Variants in DSCAM observed in about 807,000 individuals in gnomAD.
DSCAM encodes the protein cell adhesion molecule DSCAM.
A neutral mutation model predicts 217.7 loss-of-function variants in DSCAM; 47 were observed. That is an observed-to-expected ratio of 0.22 (90% CI 0.17 to 0.28). The LOEUF (loss-of-function observed/expected upper bound fraction) is 0.28, where lower values mean the gene tolerates loss of function less well. Among genes scored for constraint, DSCAM ranks in the 10% least tolerant of loss-of-function variants. DSCAM has a pLI of 1.00. For synonymous variants in DSCAM, 1,056 were observed against 1,015.3 expected (o/e 1.04, Z -0.76); for missense variants, 2,080 against 2,618.3 (o/e 0.79, Z 4.49).
chr21:40,814,990 C>T (rs1482722119), intron 1 of DSCAM, among the ~76,000 whole-genome samples: 1 of 151,934 alleles, frequency 6.6e-6, no homozygotes, highest in Non-Finnish European at 1.5e-5. Context: ...GAAGAAAAGC[C>T]CTTGAGAAGG....
chr21:40,533,466 C>T (rs554198535), intron 3 of DSCAM, among the ~76,000 whole-genome samples: 15 of 151,666 alleles, frequency 9.9e-5, no homozygotes, highest in Admixed American at 1.3e-4. Context: ...ACCCATCGTC[C>T]ATCCATCCGT....
intron 8 of DSCAM, among the ~76,000 whole-genome samples, chr21:40,328,354 G>T (rs2123550078): frequency 6.6e-6 from 1 of 152,150 alleles, no homozygotes; most frequent in Non-Finnish European, 1.5e-5. Flanking sequence ...TAACAAAGGA[G>T]CCAAGAGCAC....
chr21:40,400,589 A>G (rs1170841895), intron 3 of DSCAM, among the ~76,000 whole-genome samples: 2 of 152,132 alleles, frequency 1.3e-5, no homozygotes, highest in South Asian at 2.1e-4. Flanking sequence ...TAATTTAAAA[A>G]CTTTTGTTGT....
intron 28 of DSCAM, among the ~76,000 whole-genome samples, chr21:40,059,095 A>G (rs1278321290): frequency 6.6e-6 from 1 of 152,198 alleles, no homozygotes; most frequent in Non-Finnish European, 1.5e-5. Context: ...CCTCCCAAAT[A>G]TGACACAGAA....
chr21:40,022,484 T>G (rs1030643003), intron 32 of DSCAM, among the ~76,000 whole-genome samples: 3 of 152,258 alleles, frequency 2.0e-5, no homozygotes, highest in African/African-American at 4.8e-5. Flanking sequence ...GATAAGCAGT[T>G]GTACCCCTCA....
At chr21:40,608,001 G>C (rs1157835989) in intron 3 of DSCAM, among the ~76,000 whole-genome samples, 1 of 152,082 alleles carries the variant, frequency 6.6e-6, no homozygotes, top group Non-Finnish European at 1.5e-5. Flanking sequence ...AGGAAGGGGG[G>C]AGTTTCAGGA....
At chr21:40,727,862 C>T (rs1174345015) in intron 1 of DSCAM, among the ~76,000 whole-genome samples, 4 of 152,148 alleles carry the variant, frequency 2.6e-5, no homozygotes, top group Non-Finnish European at 1.5e-5. Context: ...TCATCTCCTA[C>T]CACCCTCCCC....
chr21:40,781,414 A>G (rs1453563887), intron 1 of DSCAM, among the ~76,000 whole-genome samples: 2 of 152,160 alleles, frequency 1.3e-5, no homozygotes, highest in African/African-American at 4.8e-5. Flanking sequence ...TACTGCAATC[A>G]CTCTTCCAAT....
chr21:40,546,157 G>C (rs951908204), intron 3 of DSCAM, among the ~76,000 whole-genome samples: 2 of 152,212 alleles, frequency 1.3e-5, no homozygotes, highest in African/African-American at 4.8e-5. Flanking sequence ...TTTTTAAAGA[G>C]GGTTAAGGTG....
chr21:40,131,131 G>A (rs948263145), intron 19 of DSCAM, among the ~76,000 whole-genome samples: 3 of 152,212 alleles, frequency 2.0e-5, no homozygotes, highest in Non-Finnish European at 4.4e-5. Context: ...AATTGTAAGT[G>A]TAATCCAAAC....
intron 20 of DSCAM, among the ~76,000 whole-genome samples, chr21:40,109,004 A>G (rs569732218): frequency 2.0e-5 from 3 of 152,350 alleles, no homozygotes; most frequent in Non-Finnish European, 2.9e-5. Context: ...TCAACTCAAG[A>G]TGGATTAAAA....
intron 32 of DSCAM, among the ~76,000 whole-genome samples, chr21:40,017,665 C>A (rs1025298884): frequency 4.6e-5 from 7 of 152,124 alleles, no homozygotes; most frequent in Admixed American, 1.3e-4. Context: ...GATTCTCCCC[C>A]CTCAGCCTCC....
At chr21:40,730,651 G>A (rs1158269058) in intron 1 of DSCAM, among the ~76,000 whole-genome samples, 1 of 152,096 alleles carries the variant, frequency 6.6e-6, no homozygotes, top group Admixed American at 6.5e-5. Context: ...GTCTCTATAA[G>A]AGGCCACCTG....
intron 3 of DSCAM, among the ~76,000 whole-genome samples, chr21:40,508,767 ATATATATATATATATATTTTT>A (rs2076233541): frequency 2.8e-4 from 1 of 3,630 alleles, no homozygotes; most frequent in African/African-American, 2.0e-3. Context: ...ATATATATAT[ATATATATATATATATATTTTT>A]TTTTTTTTTT....
intron 11 of DSCAM, among the ~76,000 whole-genome samples, chr21:40,211,130 T>G (rs1354968242): frequency 6.6e-6 from 1 of 152,246 alleles, no homozygotes; most frequent in Non-Finnish European, 1.5e-5. Context: ...CTTTTTGAAG[T>G]TGGCTTTTTT....
intron 1 of DSCAM, among the ~76,000 whole-genome samples, chr21:40,775,180 A>G (rs1275143566): frequency 6.6e-6 from 1 of 152,042 alleles, no homozygotes; most frequent in Non-Finnish European, 1.5e-5. Flanking sequence ...AATATCTAAA[A>G]TCTTGAAAAT....
chr21:40,494,960 C>T (rs2076106269), intron 3 of DSCAM, among the ~76,000 whole-genome samples: 1 of 151,364 alleles, frequency 6.6e-6, no homozygotes, highest in Non-Finnish European at 1.5e-5. Flanking sequence ...CTAATATGAA[C>T]AGTTATACAC....
chr21:40,553,202 T>C (rs1028882913), intron 3 of DSCAM, among the ~76,000 whole-genome samples: 27 of 152,374 alleles, frequency 1.8e-4, no homozygotes, highest in African/African-American at 6.3e-4. Context: ...TTCTAGATTG[T>C]AGAACTCCAC....
chr21:40,650,845 C>T lies in DSCAM; in HGVS notation c.508+41965G>A, dbSNP rs559574194. Among the ~76,000 whole-genome samples the T allele has an allele frequency of 8.5e-5, 13 of 152,220 alleles. No individual in the cohort carries two copies. In the South Asian group the frequency reaches 2.1e-3, roughly 24 times the overall value. On this transcript the variant is annotated intron_variant, in intron 3 of 32. Transcript: ENST00000400454. ...AGAAGAATTGGTTGAACCTGGGAGGCGGAGGTTGCAGAGAGCTGAGATCGC... is the reference window on the plus strand; with the variant it reads ...AGAAGAATTGGTTGAACCTGGGAGGTGGAGGTTGCAGAGAGCTGAGATCGC...
Sources: gnomAD v4.1 joint callset for allele counts (sites outside exome capture counted in the v4.1 genomes callset) on GRCh38, gnomAD v4.1.1 for gene constraint, MANE v1.5 for transcripts, NCBI Gene and HGNC (gene_info 2026-07-23, HGNC 2026-07-21) for gene names.